The following ZFHX4 variants were observed in gnomAD, a reference collection of about 807,000 sequenced individuals.
ZFHX4 encodes zinc finger homeobox 4, also known as zinc finger homeobox protein 4.
Under a neutral mutation model 267.6 loss-of-function variants are expected in ZFHX4, and 56 were observed. That is an observed-to-expected ratio of 0.21 (90% CI 0.17 to 0.26). The LOEUF is 0.26. Ranked by LOEUF, ZFHX4 falls within the 10% of genes least tolerant of loss-of-function variation. The pLI is 1.00. For missense variants in ZFHX4, 4,332 were observed against 4,420.0 expected (o/e 0.98, Z 0.56); for synonymous variants, 1,778 against 1,665.6 (o/e 1.07, Z -1.64).
At chr8:76,780,179 T>A (rs931323549) in intron 4 of ZFHX4, among the ~76,000 whole-genome samples, 2 of 152,170 alleles carry the variant, frequency 1.3e-5, no homozygotes, top group African/African-American at 4.8e-5. Context: ...TTATAGCACC[T>A]CTTTAACGTG....
In ZFHX4 at chr8:76,683,547, TC is replaced by T. The variant is rs112865617; in HGVS notation, c.-47+1934del. The stretch of plus-strand genomic sequence containing the variant: ...CAGTTGCATTTCCTCTCCTTGAGTC[TC>T]CCCCCCACCCTTTTTATTAACTCTG... On this transcript the variant is annotated intron_variant, in intron 1 of 10. Transcript: ENST00000651372. Among the ~76,000 whole-genome samples, 3 of 148,806 alleles carry T rather than the reference TC, an allele frequency of 2.0e-5. No homozygotes were observed. The Admixed American group carries it at 2.0e-4, about 10-fold the overall frequency.
intron 4 of ZFHX4, among the ~76,000 whole-genome samples, chr8:76,781,594 A>ACAGT (rs1810549731): frequency 1.3e-5 from 2 of 152,170 alleles, no homozygotes; most frequent in East Asian, 3.9e-4. Flanking sequence ...TGGGTGGAAG[A>ACAGT]TTTTTTGACC....
intron 3 of ZFHX4, among the ~76,000 whole-genome samples, chr8:76,777,801 G>A (rs918548047): frequency 6.6e-6 from 1 of 150,450 alleles, no homozygotes; most frequent in East Asian, 1.9e-4. Context: ...ACATCAAGAA[G>A]TACCTCATTC....
Position 76,854,131 on chromosome 8 carries a change from C to T in ZFHX4, c.7210C>T (p.Pro2404Ser). The change falls in exon 10 of 11, where the codon CCA (proline) becomes TCA (serine). Residue 2404 changes from proline to serine, a missense_variant. Physicochemically the swap from Pro to Ser is moderately conservative, Grantham distance 74. This residue lies in a region of ZFHX4 where 1,648 missense variants were observed against 1,625.0 expected (regional missense o/e 1.01). Transcript: ENST00000651372. ...CAAACCAGAACCTGAGAAGACTTCTCCAAAACCTGAATATCCCGCAGAAAA... is the reference window on the plus strand; with the variant it reads ...CAAACCAGAACCTGAGAAGACTTCTTCAAAACCTGAATATCCCGCAGAAAA... ...SPKPEPEKTS[P>S]KPEYPAEKPK... 1 of 1,613,102 alleles carries T rather than the reference C, an allele frequency of 6.2e-7. No individual in the cohort carries two copies. The highest frequency in any genetic ancestry group is 8.5e-7 in the Non-Finnish European group (1 of 1,179,472).
chr8:76,777,400 GTGAA>G (rs1390160217), intron 3 of ZFHX4, among the ~76,000 whole-genome samples: 1 of 152,076 alleles, frequency 6.6e-6, no homozygotes, highest in Non-Finnish European at 1.5e-5. Flanking sequence ...GTGGGTCACT[GTGAA>G]TGGTAAAAAA....
At chr8:76,715,658 C>T (rs1313513984) in intron 3 of ZFHX4, among the ~76,000 whole-genome samples, 1 of 151,780 alleles carries the variant, frequency 6.6e-6, no homozygotes, top group Admixed American at 6.6e-5. Flanking sequence ...TTGTAATGAC[C>T]AGTTACAGTG....
In ZFHX4 at chr8:76,853,030, G is replaced by T. The variant is rs1263609712; in HGVS notation, c.6109G>T (p.Ala2037Ser). Residue 2037 changes from alanine (A) to serine (S), a missense_variant, in exon 10 of 11, where the codon GCT becomes TCT. By Grantham distance (99) the Ala-to-Ser change is moderately conservative (BLOSUM62 1). This residue lies in a region of ZFHX4 where 1,371 missense variants were observed against 1,423.1 expected (regional missense o/e 0.96). Coordinates refer to ENST00000651372, the MANE Select transcript of ZFHX4 (RefSeq NM_024721.5). ...IPNTVSTPLQ[A>S]PPPTPPPPPP... Reference sequence around the variant, plus strand: ...CAACACGGTTTCTACTCCTCTGCAAGCTCCACCACCCACTCCTCCCCCACC... The same window carrying T: ...CAACACGGTTTCTACTCCTCTGCAATCTCCACCACCCACTCCTCCCCCACC... The T allele has an allele frequency of 6.8e-7, 1 of 1,481,480 alleles. No homozygotes were observed. Among genetic ancestry groups the T allele is most frequent in the East Asian group, 2.5e-5 (1 of 39,614 alleles). 91.8% of individuals were successfully genotyped at this position (1,481,480 alleles called of 1,614,324 possible). A position where few individuals can be genotyped will look rare whatever the true frequency, so the allele number is the denominator to read the frequency against.
intron 4 of ZFHX4, among the ~76,000 whole-genome samples, chr8:76,787,858 A>G (rs1810734570): frequency 6.6e-6 from 1 of 151,934 alleles, no homozygotes; most frequent in South Asian, 2.1e-4. Context: ...AGCCAGGCTT[A>G]GGAAAAGATA....
At chr8:76,840,618 C>T in intron 5 of ZFHX4, among the ~76,000 whole-genome samples, 1 of 152,072 alleles carries the variant, frequency 6.6e-6, no homozygotes, top group East Asian at 1.9e-4. Context: ...TTGCCATAGC[C>T]CTTACAATTT....
intron 1 of ZFHX4, among the ~76,000 whole-genome samples, chr8:76,700,058 A>T (rs1049368004): frequency 1.3e-5 from 2 of 152,064 alleles, no homozygotes; most frequent in African/African-American, 4.8e-5. Flanking sequence ...TGGAATGGGG[A>T]AAAGGCCACA....
At chr8:76,709,237 A>G (rs538701493) in intron 3 of ZFHX4, among the ~76,000 whole-genome samples, 46 of 152,326 alleles carry the variant, frequency 3.0e-4, no homozygotes, top group African/African-American at 9.9e-4. Context: ...TGTACTGTGC[A>G]TAAAATCCTA....
chr8:76,854,835 T>A lies in ZFHX4; in HGVS notation c.7914T>A (p.Ile2638=). 1.9e-6 allele frequency: 3 copies of A among 1,610,688 alleles called. No individual in the cohort carries two copies. The highest frequency in any genetic ancestry group is 2.5e-6 in the Non-Finnish European group (3 of 1,178,970). ...SNPTRKMLDH[I]AREVGLKKRV... ...CTACCAGAAAAATGCTTGATCATAT[T>A]GCCCGCGAAGTCGGGCTGAAAAAAA... Residue 2638 remains isoleucine, a synonymous_variant, in exon 10 of 11, where the codon ATT becomes ATA. Transcript: ENST00000651372.
At chr8:76,732,004 G>A (rs759744717) in intron 3 of ZFHX4, among the ~76,000 whole-genome samples, 1 of 151,658 alleles carries the variant, frequency 6.6e-6, no homozygotes, top group African/African-American at 2.4e-5. Context: ...TCCACACTCC[G>A]CTAATGTTTG....
chr8:76,727,827 G>A (rs1808892932), intron 3 of ZFHX4, among the ~76,000 whole-genome samples: 1 of 152,102 alleles, frequency 6.6e-6, no homozygotes, highest in Non-Finnish European at 1.5e-5. Context: ...GTTCTTTCCT[G>A]GCCAGGATTT....
At chr8:76,801,078 T>TTTG (rs1215402079) in intron 4 of ZFHX4, among the ~76,000 whole-genome samples, 2 of 152,148 alleles carry the variant, frequency 1.3e-5, no homozygotes, top group South Asian at 2.1e-4. Context: ...AAATTACCTT[T>TTTG]TTGTTGTTGT....
chr8:76,736,156 A>T (rs540992201), intron 3 of ZFHX4, among the ~76,000 whole-genome samples: 2 of 152,188 alleles, frequency 1.3e-5, no homozygotes, highest in Admixed American at 6.5e-5. Flanking sequence ...AATTTAAAAA[A>T]AAAAACTGAC....
At chr8:76,757,036 G>A (rs1270100811) in intron 3 of ZFHX4, among the ~76,000 whole-genome samples, 2 of 152,078 alleles carry the variant, frequency 1.3e-5, no homozygotes, top group Admixed American at 6.6e-5. Flanking sequence ...CAATACACAC[G>A]CAGCCGACTC....
At chr8:76,738,317 T>C (rs1809220020) in intron 3 of ZFHX4, among the ~76,000 whole-genome samples, 1 of 152,142 alleles carries the variant, frequency 6.6e-6, no homozygotes, top group East Asian at 1.9e-4. Flanking sequence ...GGTTAAGGGA[T>C]AAGTACTCAC....
intron 4 of ZFHX4, among the ~76,000 whole-genome samples, chr8:76,803,028 T>A (rs868405809): frequency 6.6e-6 from 1 of 152,168 alleles, no homozygotes; most frequent in South Asian, 2.1e-4. Flanking sequence ...TTAGTGGCTC[T>A]GAGACCGAAA....
Sources: gnomAD v4.1 joint callset for allele counts (sites outside exome capture counted in the v4.1 genomes callset) on GRCh38, gnomAD v4.1.1 for gene constraint, gnomAD v4.1.1 regional missense constraint, MANE v1.5 for transcripts, NCBI Gene and HGNC (gene_info 2026-07-23, HGNC 2026-07-21) for gene names.